TRNAU1AP: variants seen among roughly 807,000 people sequenced by gnomAD.
TRNAU1AP encodes tRNA selenocysteine 1-associated protein 1.
TRNAU1AP carries 33 observed loss-of-function variants against 43.3 expected under a neutral mutation model. The ratio of observed to expected loss-of-function variants is 0.76; its 90% CI spans 0.58 to 1.02. TRNAU1AP has a LOEUF of 1.02. Ranked by LOEUF, TRNAU1AP falls within the 50% of genes least tolerant of loss-of-function variation. The pLI is 0.00. For synonymous variants in TRNAU1AP, 143 were observed against 129.1 expected (o/e 1.11, Z -0.73); for missense variants, 290 against 362.7 (o/e 0.80, Z 1.63).
chr1:28,575,644 T>G (rs994961472), intron 8 of TRNAU1AP, among the ~76,000 whole-genome samples: 19 of 150,772 alleles, frequency 1.3e-4, no homozygotes, highest in Non-Finnish European at 1.6e-4. Flanking sequence ...CTTTTTTTCT[T>G]TTTTTGAGAC....
chr1:28,573,045 T>TC lies in TRNAU1AP; in HGVS notation c.727+1145_727+1146insC, dbSNP rs976051035. Among the ~76,000 whole-genome samples the TC allele has an allele frequency of 2.3e-4, 35 of 149,374 alleles. 1 individual carries two copies. Among genetic ancestry groups the TC allele is most frequent in the African/African-American group, 8.3e-4 (34 of 41,110 alleles). The stretch of plus-strand genomic sequence containing the variant: ...TTAATTTTTTCTTTTTCTTTTTTTT[T>TC]TTTTTTTGAGGCAGAGTCTTGCTGT... On this transcript the variant is annotated intron_variant, in intron 8 of 8. Coordinates refer to ENST00000373830, the MANE Select transcript of TRNAU1AP (RefSeq NM_017846.5).
At chr1:28,553,760 CTT>C in intron 2 of TRNAU1AP, 23 bp downstream of exon 2, 1 of 1,589,646 alleles carries the variant, frequency 6.3e-7, no homozygotes, top group Non-Finnish European at 8.6e-7. Flanking sequence ...TCAGGTCTCT[CTT>C]AATACATCTC....
chr1:28,553,951 A>C (rs1665193595), intron 2 of TRNAU1AP: 3 of 463,304 alleles, frequency 6.5e-6, no homozygotes, highest in Admixed American at 6.6e-5. Flanking sequence ...TAATCCCAGC[A>C]CTTTGGGAGG....
At chr1:28,577,380 GA>G in intron 8 of TRNAU1AP, 119 bp from the exon 9 acceptor site, 7 of 1,137,762 alleles carry the variant, frequency 6.2e-6, no homozygotes, top group African/African-American at 1.6e-5. Flanking sequence ...TTCACTTCCT[GA>G]AAGAAACTGG....
chr1:28,575,541 C>T (rs1665758054), intron 8 of TRNAU1AP, among the ~76,000 whole-genome samples: 1 of 149,674 alleles, frequency 6.7e-6, no homozygotes, highest in Non-Finnish European at 1.5e-5. Context: ...CAGCTCACTG[C>T]AACCTCCGCC....
chr1:28,563,088 G>GT (rs1216637319), intron 4 of TRNAU1AP, among the ~76,000 whole-genome samples: 1 of 151,176 alleles, frequency 6.6e-6, no homozygotes, highest in Admixed American at 6.6e-5. Flanking sequence ...TAGAGATGGG[G>GT]TTTCACCATC....
At chr1:28,562,596 T>C (rs950536640) in intron 4 of TRNAU1AP, among the ~76,000 whole-genome samples, 2 of 151,892 alleles carry the variant, frequency 1.3e-5, no homozygotes, top group Non-Finnish European at 2.9e-5. Flanking sequence ...TTTTTTTTTT[T>C]TGGAGACGGA....
rs367794323 is a variant in TRNAU1AP, at chr1:28,571,163, G to T, written c.531-13G>T. The T allele has an allele frequency of 8.0e-5, 129 of 1,612,812 alleles. 1 individual carries two copies. The highest frequency in any genetic ancestry group is 1.5e-5 in the Non-Finnish European group (18 of 1,179,372). On this transcript the variant is annotated splice_polypyrimidine_tract_variant and intron_variant, in intron 6 of 8. Coordinates refer to ENST00000373830, the MANE Select transcript of TRNAU1AP (RefSeq NM_017846.5). ...TTTGCTTACACTTATTTTTGTTTCT[G>T]TCTTCATTTAAGGAGCCGTGTAAAG...
chr1:28,553,430 G>C (rs1285215383), intron 1 of TRNAU1AP: 1 of 622,178 alleles, frequency 1.6e-6, no homozygotes, highest in Non-Finnish European at 2.9e-6. Flanking sequence ...CCGGAGGAGT[G>C]GGGTTTCTAG....
intron 2 of TRNAU1AP, among the ~76,000 whole-genome samples, chr1:28,558,191 C>G (rs982549080): frequency 4.0e-5 from 6 of 150,896 alleles, no homozygotes; most frequent in Non-Finnish European, 7.4e-5. Context: ...GCCACTGTGC[C>G]CAGCCCGCCC....
At chr1:28,575,375 T>A (rs1665751822) in intron 8 of TRNAU1AP, among the ~76,000 whole-genome samples, 1 of 151,924 alleles carries the variant, frequency 6.6e-6, no homozygotes, top group Non-Finnish European at 1.5e-5. Flanking sequence ...TGATGGTCTC[T>A]ATCTTTTGAC....
At chr1:28,570,148 TA>T (rs900054761) in intron 6 of TRNAU1AP, among the ~76,000 whole-genome samples, 1 of 152,170 alleles carries the variant, frequency 6.6e-6, no homozygotes, top group African/African-American at 2.4e-5. Flanking sequence ...TCATCTCTGC[TA>T]AAAGTACAAA....
intron 8 of TRNAU1AP, among the ~76,000 whole-genome samples, chr1:28,572,819 C>T (rs1045828496): frequency 1.3e-5 from 2 of 151,356 alleles, no homozygotes; most frequent in South Asian, 2.1e-4. Flanking sequence ...CCTGTAGTCC[C>T]AGCTACTCGG....
Position 28,575,722 on chromosome 1 carries a change from T to G in TRNAU1AP, c.728-1778T>G, listed in dbSNP as rs562189385. Among the ~76,000 whole-genome samples, 16 of 149,362 alleles carry G rather than the reference T, an allele frequency of 1.1e-4. No individual in the cohort carries two copies. The South Asian group carries it at 3.4e-3, about 32-fold the overall frequency. On this transcript the variant is annotated intron_variant, in intron 8 of 8. Transcript: ENST00000373830. Reference sequence around the variant, plus strand: ...TCTCGCATGCCCAGCTAATTTTCTATTTCTATTTTTCTAACCCCATAAAGA... The same window carrying G: ...TCTCGCATGCCCAGCTAATTTTCTAGTTCTATTTTTCTAACCCCATAAAGA...
At position 28,576,304 on chromosome 1, in the gene TRNAU1AP, TC is replaced by T. The variant is rs1665779328; in HGVS notation, c.728-1195del. ...TAGTAGCTGGCACTACAGACACAGGTCACCATGCCCAGCTAATTTTTTTTTT... is the reference window on the plus strand; with the variant it reads ...TAGTAGCTGGCACTACAGACACAGGTACCATGCCCAGCTAATTTTTTTTTT... On this transcript the variant is annotated intron_variant, in intron 8 of 8. Coordinates refer to ENST00000373830, the MANE Select transcript of TRNAU1AP (RefSeq NM_017846.5). 2.7e-5 allele frequency among the ~76,000 whole-genome samples: 4 copies of T among 150,108 alleles called. 1 individual carries two copies. The South Asian group carries it at 8.5e-4, about 32-fold the overall frequency.
intron 2 of TRNAU1AP, among the ~76,000 whole-genome samples, chr1:28,554,222 A>AAAAAAAAAAAAAAAAC (rs1553121340): frequency 1.4e-5 from 2 of 142,736 alleles, no homozygotes; most frequent in Non-Finnish European, 3.0e-5. Context: ...ACAAAAAAAC[A>AAAAAAAAAAAAAAAAC]AAAAACGCAG....
rs1420966371 is a variant in TRNAU1AP, at chr1:28,576,385, C to T, written c.728-1115C>T. On this transcript the variant is annotated intron_variant, in intron 8 of 8. Coordinates refer to ENST00000373830, the MANE Select transcript of TRNAU1AP (RefSeq NM_017846.5). ...CCAGGCTGGAGTGCAATGGCGTGAT[C>T]TCGGCTCACTGCAACCTCCGCCTCC... Among the ~76,000 whole-genome samples the T allele has an allele frequency of 1.3e-4, 20 of 150,174 alleles. 1 individual carries two copies. Among genetic ancestry groups the T allele is most frequent in the Non-Finnish European group, 7.4e-5 (5 of 67,682 alleles).
intron 8 of TRNAU1AP, 94 bp downstream of exon 8, chr1:28,571,994 T>C (rs1665672054): frequency 8.9e-7 from 1 of 1,127,858 alleles, no homozygotes; most frequent in African/African-American, 1.5e-5. Context: ...ACAAGATAAA[T>C]TCTGCTCTGG....
rs767794328 is a variant in TRNAU1AP at position 28,571,937 on chromosome 1, A to T, written c.727+37A>T. ...TACGTTCCTTACTCTGTCAGCCATT[A>T]TCAGGTGACTGCTGTGGCTGGCACT... is the stretch of plus-strand genomic sequence containing the variant. On this transcript the variant is annotated intron_variant, in intron 8 of 8. Coordinates refer to ENST00000373830, the MANE Select transcript of TRNAU1AP (RefSeq NM_017846.5). The T allele has an allele frequency of 1.9e-6, 3 of 1,579,568 alleles. No individual in the cohort carries two copies. The East Asian group carries it at 6.7e-5, about 35-fold the overall frequency.
Sources: allele counts gnomAD v4.1 joint callset (sites outside exome capture counted in the v4.1 genomes callset), GRCh38; gene constraint gnomAD v4.1.1; transcripts MANE v1.5; gene names NCBI Gene and HGNC (gene_info 2026-07-23, HGNC 2026-07-21).